The following GALNT13 variants were observed in gnomAD, a reference collection of about 807,000 sequenced individuals.
The protein encoded by GALNT13 is UDP-GalNAc:polypeptide N-acetylgalactosaminyltransferase 13.
Under a neutral mutation model 64.2 loss-of-function variants are expected in GALNT13, and 28 were observed. That is an observed-to-expected ratio of 0.44 (90% CI 0.32 to 0.60). GALNT13 has a LOEUF of 0.60. Among genes scored for constraint, GALNT13 ranks in the 20% least tolerant of loss-of-function variants. The pLI is 0.05. For missense variants in GALNT13, 577 were observed against 669.8 expected, an observed-to-expected ratio of 0.86 and a Z score of 1.53; for synonymous variants, 214 against 224.6, an observed-to-expected ratio of 0.95 and a Z score of 0.42.
At chr2:154,098,270 A>G (rs1702175416) in intron 3 of GALNT13, among the ~76,000 whole-genome samples, 1 of 151,902 alleles carries the variant, frequency 6.6e-6, no homozygotes, top group Non-Finnish European at 1.5e-5. Flanking sequence ...AAGATACGAC[A>G]TGTAAACTAA....
intron 3 of GALNT13, among the ~76,000 whole-genome samples, chr2:153,957,665 C>G (rs1376021739): frequency 3.9e-5 from 6 of 152,208 alleles, no homozygotes; most frequent in African/African-American, 1.4e-4. Flanking sequence ...CATCCCATCC[C>G]AGATGCCAAT....
chr2:153,262,100 A>G, the GALNT13 span, among the ~76,000 whole-genome samples: 1 of 151,946 alleles, frequency 6.6e-6, no homozygotes, highest in Non-Finnish European at 1.5e-5. Context: ...AGTCCCCTTT[A>G]CTGTTCTCTC....
the GALNT13 span, among the ~76,000 whole-genome samples, chr2:153,721,080 A>C: frequency 6.7e-6 from 1 of 149,620 alleles, no homozygotes; most frequent in Non-Finnish European, 1.5e-5. Context: ...GGTTACCCAC[A>C]AAGGGAAGCC....
At chr2:153,118,355 A>T in the GALNT13 span, among the ~76,000 whole-genome samples, 1 of 152,174 alleles carries the variant, frequency 6.6e-6, no homozygotes, top group South Asian at 2.1e-4. Context: ...TTCCCAGGGC[A>T]ACCATCACCC....
At chr2:153,919,480 A>C (rs1689608884) in intron 2 of GALNT13, among the ~76,000 whole-genome samples, 1 of 152,038 alleles carries the variant, frequency 6.6e-6, no homozygotes, top group South Asian at 2.1e-4. Flanking sequence ...AATAAAATTA[A>C]TGTTCTTAAC....
chr2:153,909,064 A>T (rs1201727657), intron 2 of GALNT13, among the ~76,000 whole-genome samples: 1 of 151,918 alleles, frequency 6.6e-6, no homozygotes, highest in Non-Finnish European at 1.5e-5. Context: ...TGTTTGTGTC[A>T]TCTCTGATTG....
the GALNT13 span, among the ~76,000 whole-genome samples, chr2:153,146,364 C>G: frequency 6.6e-6 from 1 of 151,824 alleles, no homozygotes; most frequent in South Asian, 2.1e-4. Context: ...CAGCTTTAAT[C>G]TAACTATTTC....
chr2:153,376,653 G>A, the GALNT13 span, among the ~76,000 whole-genome samples: 2 of 152,152 alleles, frequency 1.3e-5, no homozygotes, highest in Non-Finnish European at 2.9e-5. Context: ...AATTCTTGCT[G>A]AGCAGTGGGT....
At chr2:154,202,033 C>T (rs1381901330) in intron 4 of GALNT13, among the ~76,000 whole-genome samples, 1 of 152,136 alleles carries the variant, frequency 6.6e-6, no homozygotes, top group Non-Finnish European at 1.5e-5. Flanking sequence ...GGCATTTATA[C>T]TGCTTACCCT....
the GALNT13 span, among the ~76,000 whole-genome samples, chr2:153,221,812 A>G: frequency 6.6e-6 from 1 of 152,226 alleles, no homozygotes; most frequent in Non-Finnish European, 1.5e-5. Flanking sequence ...CGGCTGGATC[A>G]GATGCACCAC....
chr2:153,309,403 C>T, the GALNT13 span, among the ~76,000 whole-genome samples: 3 of 152,046 alleles, frequency 2.0e-5, no homozygotes, highest in South Asian at 4.1e-4. Context: ...AAATATCATT[C>T]GTAAAATGAA....
At position 154,366,061 on chromosome 2, in the gene GALNT13, TTAA is replaced by T. The variant is rs776288233; in HGVS notation, c.1157-29924_1157-29922del. Reference sequence around the variant, plus strand: ...TGTTGATGTGTTCCTGTAATTTTAATTAATAATACATTAAATTTTTTTCCTGAT... The same window carrying T: ...TGTTGATGTGTTCCTGTAATTTTAATTAATACATTAAATTTTTTTCCTGAT... On this transcript the variant is annotated intron_variant, in intron 9 of 12. Coordinates refer to ENST00000392825, the MANE Select transcript of GALNT13 (RefSeq NM_052917.4). 3.9e-5 allele frequency among the ~76,000 whole-genome samples: 6 copies of T among 152,286 alleles called. No individual in the cohort carries two copies. In the East Asian group the frequency reaches 1.2e-3, roughly 29 times the overall value.
At chr2:153,481,599 T>C in the GALNT13 span, among the ~76,000 whole-genome samples, 3 of 152,214 alleles carry the variant, frequency 2.0e-5, no homozygotes, top group East Asian at 1.9e-4. Flanking sequence ...TTCTACTTCA[T>C]TGGAAATAGG....
chr2:153,905,906 G>A (rs976108021), intron 2 of GALNT13, among the ~76,000 whole-genome samples: 1 of 151,868 alleles, frequency 6.6e-6, no homozygotes, highest in Non-Finnish European at 1.5e-5. Flanking sequence ...TAACCGATAT[G>A]GCTACTAAGT....
the GALNT13 span, among the ~76,000 whole-genome samples, chr2:153,674,473 G>A: frequency 3.3e-5 from 5 of 152,178 alleles, no homozygotes; most frequent in Non-Finnish European, 5.9e-5. Context: ...TCTAATCAAT[G>A]GTGCTGGGAA....
At chr2:153,433,324 ATTTAAGGTGTT>A in the GALNT13 span, among the ~76,000 whole-genome samples, 1 of 152,200 alleles carries the variant, frequency 6.6e-6, no homozygotes, top group South Asian at 2.1e-4. Flanking sequence ...CAATGGGATG[ATTTAAGGTGTT>A]TTTATTTCCC....
At chr2:154,428,822 C>G (rs1218202814) in intron 11 of GALNT13, among the ~76,000 whole-genome samples, 1 of 151,322 alleles carries the variant, frequency 6.6e-6, no homozygotes, top group African/African-American at 2.4e-5. Flanking sequence ...CGCTCTGTCG[C>G]CCAGGCTGGA....
chr2:153,907,515 G>C (rs116545134), intron 2 of GALNT13, among the ~76,000 whole-genome samples: 1 of 151,698 alleles, frequency 6.6e-6, no homozygotes, highest in African/African-American at 2.4e-5. Context: ...ACTAAGCCTC[G>C]TACCTAATGG....
rs113939359 is a variant in GALNT13 at position 154,242,070 on chromosome 2, A to G, written c.352A>G (p.Ser118Gly). 1.2e-6 allele frequency: 2 copies of G among 1,611,444 alleles called. No homozygotes were observed. Among genetic ancestry groups the G allele is most frequent in the African/African-American group, 1.3e-5 (1 of 74,924 alleles). The change falls in exon 5 of 13, where the codon AGT becomes GGT. Residue 118 changes from serine (S) to glycine (G), a missense_variant. Ser to Gly is a moderately conservative substitution (Grantham distance 56, BLOSUM62 0). This residue lies in a region of GALNT13 where 341 missense variants were observed against 379.3 expected (regional missense o/e 0.90). Transcript: ENST00000392825. ...KVYPDELPNT[S>G]VVIVFHNEAW... ...CTACCCTGATGAACTTCCAAACACA[A>G]GTGTAGTCATTGTGTTTCATAATGA...
Sources: allele counts gnomAD v4.1 joint callset (sites outside exome capture counted in the v4.1 genomes callset), GRCh38; gene constraint gnomAD v4.1.1; regional missense constraint gnomAD v4.1.1; transcripts MANE v1.5; gene names NCBI Gene and HGNC (gene_info 2026-07-23, HGNC 2026-07-21).